Variants in PHF6 observed in about 807,000 individuals in gnomAD.
The protein encoded by PHF6 is PHD finger protein 6.
PHF6 carries 7 observed loss-of-function variants against 34.0 expected under a neutral mutation model. The observed-to-expected ratio is 0.21, with a 90% CI of 0.12 to 0.39. The LOEUF (loss-of-function observed/expected upper bound fraction) is 0.39, where lower values mean the gene tolerates loss of function less well. Ranked by LOEUF, PHF6 falls within the 10% of genes least tolerant of loss-of-function variation. PHF6 has a pLI of 1.00. For missense variants in PHF6, 128 were observed against 262.8 expected, an observed-to-expected ratio of 0.49 and a Z score of 3.55; for synonymous variants, 89 against 88.4, an observed-to-expected ratio of 1.01 and a Z score of -0.04.
chrX:134,425,423 T>A (rs768082831), intron 10 of PHF6, 93 bp downstream of exon 10: 27 of 1,029,637 alleles, frequency 2.6e-5, no homozygotes, highest in African/African-American at 3.7e-5. Context: ...AGATTTTTTT[T>A]AATCCTATTA....
chrX:134,412,869 A>G (rs1175450976), intron 5 of PHF6, among the ~76,000 whole-genome samples: 1 of 112,050 alleles, frequency 8.9e-6, no homozygotes, highest in African/African-American at 3.2e-5. Context: ...TACTTGATCC[A>G]TTAGTTCAAT....
chrX:134,381,643 T>C (rs6638216), intron 3 of PHF6, among the ~76,000 whole-genome samples: 33,057 of 108,904 alleles, frequency 0.3, 4,360 homozygotes, highest in East Asian at 0.65. Flanking sequence ...TACAGGCATG[T>C]GCCACCATGC....
rs751619888 is a variant in PHF6, at chrX:134,415,233, A to G, written c.834+113A>G. 7 of 1,143,752 alleles carry G rather than the reference A, an allele frequency of 6.1e-6. No homozygotes were observed. The African/African-American group carries it at 1.2e-4, about 20-fold the overall frequency. The allele number at this position is 1,143,752 out of a possible 1,213,427, so 94.3% of individuals were successfully genotyped here. On this transcript the variant is annotated intron_variant, in intron 8 of 10. Coordinates refer to ENST00000370803, the MANE Select transcript of PHF6 (RefSeq NM_001015877.2). ...GAAAATTTAAAGTAGTTCGTATGTT[A>G]AAGCAAAGTATATATTTGACTTATT...
At chrX:134,380,445 C>T (rs747997720) in intron 3 of PHF6, among the ~76,000 whole-genome samples, 1 of 111,298 alleles carries the variant, frequency 9.0e-6, no homozygotes, top group South Asian at 3.7e-4. Context: ...TGGACCTATT[C>T]GTTAAAGCAT....
At position 134,427,490 on chromosome X, in the gene PHF6, A is replaced by AT. The variant is rs149825333; in HGVS notation, c.*1840dup. On this transcript the variant is annotated 3_prime_UTR_variant, in exon 11 of 11. Transcript: ENST00000370803. ...TCATTTTTGGACAACTACTGTAATC[A>AT]TTTTTTTTTTAGGAAAAATGGAAGG... is the stretch of plus-strand genomic sequence containing the variant. 2.7e-3 allele frequency: 394 copies of AT among 146,256 alleles called. No individual in the cohort carries two copies. The highest frequency in any genetic ancestry group is 4.8e-3 in the Middle Eastern group (2 of 421). 12.1% of individuals were successfully genotyped at this position (146,256 alleles called of 1,213,427 possible).
chrX:134,417,582 G>A (rs772337155), intron 9 of PHF6: 4 of 231,446 alleles, frequency 1.7e-5, no homozygotes, highest in East Asian at 9.6e-5. Flanking sequence ...ACACTGGGCC[G>A]GGTGCGGTGG....
chrX:134,398,482 C>A (rs764471346), intron 5 of PHF6, among the ~76,000 whole-genome samples: 1 of 111,773 alleles, frequency 8.9e-6, no homozygotes, highest in Non-Finnish European at 1.9e-5. Flanking sequence ...GAATATTATC[C>A]TAAGAACAGC....
chrX:134,408,604 C>G (rs2077435549), intron 5 of PHF6, among the ~76,000 whole-genome samples: 1 of 111,737 alleles, frequency 8.9e-6, no homozygotes, highest in Non-Finnish European at 1.9e-5. Flanking sequence ...TTGTGAATTG[C>G]CTTTTCCTAT....
At chrX:134,393,404 A>T (rs1036402330) in intron 3 of PHF6, 97 bp from the exon 4 acceptor site, 4 of 943,636 alleles carry the variant, frequency 4.2e-6, no homozygotes, top group South Asian at 4.6e-5. Flanking sequence ...TTCAATAACC[A>T]ATTTGTTTTC....
chrX:134,393,256 C>A (rs2077362718), intron 3 of PHF6, among the ~76,000 whole-genome samples: 1 of 111,746 alleles, frequency 8.9e-6, no homozygotes, highest in Admixed American at 9.5e-5. Flanking sequence ...TTTCTCTTGA[C>A]CATAATGAAA....
intron 5 of PHF6, among the ~76,000 whole-genome samples, chrX:134,405,494 C>T (rs2077419241): frequency 9.0e-6 from 1 of 111,696 alleles, no homozygotes; most frequent in South Asian, 3.7e-4. Flanking sequence ...CCACCGCGCC[C>T]GGCCGACTCC....
intron 1 of PHF6, among the ~76,000 whole-genome samples, chrX:134,374,198 G>A (rs964051745): frequency 9.0e-6 from 1 of 111,618 alleles, no homozygotes; most frequent in African/African-American, 3.3e-5. Context: ...GAACACCACG[G>A]TATTCTTTTC....
At chrX:134,381,415 G>A (rs1285143380) in intron 3 of PHF6, among the ~76,000 whole-genome samples, 1 of 110,889 alleles carries the variant, frequency 9.0e-6, no homozygotes, top group East Asian at 2.8e-4. Context: ...GAATCAAATA[G>A]GAGGGGGGAA....
intron 5 of PHF6, among the ~76,000 whole-genome samples, chrX:134,406,457 G>A (rs1276034004): frequency 9.0e-6 from 1 of 111,566 alleles, no homozygotes; most frequent in African/African-American, 3.3e-5. Flanking sequence ...GAACTTAGGA[G>A]GAGGAAGGTG....
At position 134,428,555 on chromosome X, in the gene PHF6, T is replaced by TA. The variant is rs2077514688; in HGVS notation, c.*2902dup. On this transcript the variant is annotated 3_prime_UTR_variant, in exon 11 of 11. Transcript: ENST00000370803. ...GTGTTCTAGAGTGTTGTTGCTTTTT[T>TA]AAAAAAAGCGCTGAAGTTAGACCAA... 1.9e-5 allele frequency: 3 copies of TA among 155,216 alleles called. No individual in the cohort carries two copies. Among genetic ancestry groups the TA allele is most frequent in the South Asian group, 6.6e-4 (2 of 3,052 alleles). 12.8% of individuals were successfully genotyped at this position (155,216 alleles called of 1,213,427 possible).
chrX:134,412,843 T>C (rs909107522), intron 5 of PHF6, among the ~76,000 whole-genome samples: 1 of 112,249 alleles, frequency 8.9e-6, no homozygotes, highest in Non-Finnish European at 1.9e-5. Context: ...CTTTTTGTAC[T>C]TAATATTTGT....
chrX:134,385,207 C>T (rs1441864030), intron 3 of PHF6, among the ~76,000 whole-genome samples: 1 of 111,265 alleles, frequency 9.0e-6, no homozygotes, highest in Admixed American at 9.6e-5. Context: ...CTGTCTCTGT[C>T]CCCGCTGCGG....
chrX:134,410,877 G>A (rs917382344), intron 5 of PHF6, among the ~76,000 whole-genome samples: 2 of 107,584 alleles, frequency 1.9e-5, no homozygotes, highest in Non-Finnish European at 3.8e-5. Flanking sequence ...TCTCGAACTC[G>A]TGACCTCAAG....
intron 2 of PHF6, 49 bp downstream of exon 2, chrX:134,377,804 T>TTAA: frequency 8.6e-7 from 1 of 1,158,474 alleles, no homozygotes; most frequent in East Asian, 3.0e-5. Context: ...CATGAGACTC[T>TTAA]TAATAACACA....
Sources: allele counts gnomAD v4.1 joint callset (sites outside exome capture counted in the v4.1 genomes callset), GRCh38; gene constraint gnomAD v4.1.1; transcripts MANE v1.5; gene names NCBI Gene and HGNC (gene_info 2026-07-23, HGNC 2026-07-21).